ADAMTS6: variants seen among roughly 807,000 people sequenced by gnomAD.
ADAMTS6 encodes A disintegrin and metalloproteinase with thrombospondin motifs 6.
In ADAMTS6, 23 loss-of-function variants were observed where a neutral mutation model predicts 144.3. The observed-to-expected ratio is 0.16, with a 90% confidence interval of 0.11 to 0.23. The LOEUF is 0.23. Ranked by LOEUF, ADAMTS6 falls within the 10% of genes least tolerant of loss-of-function variation. ADAMTS6 has a pLI of 1.00. For missense variants in ADAMTS6, 999 were observed against 1,379.6 expected (o/e 0.72, Z 4.37); for synonymous variants, 444 against 457.5 (o/e 0.97, Z 0.38).
intron 2 of ADAMTS6, among the ~76,000 whole-genome samples, chr5:65,471,446 T>C (rs1344609833): frequency 6.6e-6 from 1 of 152,084 alleles, no homozygotes; most frequent in African/African-American, 2.4e-5. Context: ...TACTTTGAAA[T>C]AAAAAATAAT....
intron 24 of ADAMTS6, among the ~76,000 whole-genome samples, chr5:65,167,531 T>G (rs1203706245): frequency 5.4e-5 from 8 of 149,368 alleles, no homozygotes; most frequent in South Asian, 4.3e-4. Flanking sequence ...TAACTCATTT[T>G]ATGAGGCCAG....
intron 3 of ADAMTS6, among the ~76,000 whole-genome samples, chr5:65,460,779 A>C (rs370959445): frequency 6.6e-6 from 1 of 152,302 alleles, no homozygotes; most frequent in African/African-American, 2.4e-5. Context: ...CTGCAGTGGA[A>C]TCTTCTACTC....
rs1290185231 is a variant in ADAMTS6, at chr5:65,150,209, C to CA, written c.*1626dup. On this transcript the variant is annotated 3_prime_UTR_variant, in exon 25 of 25. Coordinates refer to ENST00000381055, the MANE Select transcript of ADAMTS6 (RefSeq NM_197941.4). ...TGTTTAACTGAAAGTATTAACCTTA[C>CA]AAAATAGCCATTTAGTTTTGAGTTT... is the stretch of plus-strand genomic sequence containing the variant. 4 of 152,706 alleles carry CA rather than the reference C, an allele frequency of 2.6e-5. No individual in the cohort carries two copies. Among genetic ancestry groups the CA allele is most frequent in the Admixed American group, 6.5e-5 (1 of 15,300 alleles). The allele number at this position is 152,706 out of a possible 1,614,324, so 9.5% of individuals were successfully genotyped here.
chr5:65,309,168 G>T (rs886733925), intron 9 of ADAMTS6, among the ~76,000 whole-genome samples: 1 of 152,020 alleles, frequency 6.6e-6, no homozygotes, highest in Non-Finnish European at 1.5e-5. Flanking sequence ...TGCATTTATT[G>T]TGCACTTTAT....
intron 23 of ADAMTS6, among the ~76,000 whole-genome samples, chr5:65,172,418 GA>G (rs57227939): frequency 0.033 from 4,431 of 134,714 alleles, 232 homozygotes; most frequent in African/African-American, 0.11. Context: ...CATCTCAAAA[GA>G]AAAAAAAAAA....
At chr5:65,167,733 G>A (rs370310175) in intron 24 of ADAMTS6, among the ~76,000 whole-genome samples, 6 of 106,854 alleles carry the variant, frequency 5.6e-5, no homozygotes, top group Admixed American at 5.5e-4. Context: ...TTCAATATAC[G>A]CAAATCAATA....
rs767337627 is a variant in ADAMTS6, at chr5:65,329,448, T to A, written c.1153A>T (p.Arg385Trp). The change falls in exon 9 of 25, where the codon AGG becomes TGG. Residue 385 changes from arginine (R) to tryptophan (W), a missense_variant. Around this residue, in one of 3 missense-constraint regions of ADAMTS6, gnomAD observed 128 missense variants for 249.0 expected, o/e 0.51. Transcript: ENST00000381055. ...ASVAGMCEPE[R>W]SCSINEDIGL... ...ATGTCTTCATTAATGCTGCAGCTCC[T>A]TTCAGGCTCACACATTCCAGCCACA... 5.6e-6 allele frequency: 9 copies of A among 1,612,604 alleles called. No homozygotes were observed. The highest frequency in any genetic ancestry group is 5.0e-5 in the Admixed American group (3 of 59,786).
At chr5:65,341,772 G>A (rs1038045507) in intron 7 of ADAMTS6, among the ~76,000 whole-genome samples, 11 of 152,010 alleles carry the variant, frequency 7.2e-5, no homozygotes, top group Non-Finnish European at 1.2e-4. Context: ...TTCTAAGAAG[G>A]GTAAGTACCA....
At chr5:65,386,585 TTTGG>T (rs149444360) in intron 7 of ADAMTS6, among the ~76,000 whole-genome samples, 8,734 of 152,180 alleles carry the variant, frequency 0.057, 330 homozygotes, top group East Asian at 0.11. Flanking sequence ...TAACTTCTTT[TTTGG>T]TTGGTTGGTT....
At chr5:65,376,961 G>A (rs897654037) in intron 7 of ADAMTS6, among the ~76,000 whole-genome samples, 1 of 151,964 alleles carries the variant, frequency 6.6e-6, no homozygotes, top group African/African-American at 2.4e-5. Flanking sequence ...AAAAGTTGTT[G>A]ATTTAACAGT....
intron 15 of ADAMTS6, among the ~76,000 whole-genome samples, chr5:65,226,833 T>C (rs1170226038): frequency 6.6e-6 from 1 of 152,186 alleles, no homozygotes. Flanking sequence ...TCCACCTGCT[T>C]TGGCCTCCCA....
At chr5:65,406,744 T>A (rs1206182121) in intron 7 of ADAMTS6, among the ~76,000 whole-genome samples, 1 of 152,148 alleles carries the variant, frequency 6.6e-6, no homozygotes, top group Non-Finnish European at 1.5e-5. Context: ...CTTGTACCTC[T>A]GGTTAGAATT....
At chr5:65,268,546 C>T (rs908604067) in intron 12 of ADAMTS6, among the ~76,000 whole-genome samples, 2 of 152,126 alleles carry the variant, frequency 1.3e-5, no homozygotes, top group Non-Finnish European at 2.9e-5. Flanking sequence ...ACAGTACCAG[C>T]GCACCGTCTG....
At chr5:65,302,796 C>CTA (rs1743568949) in intron 9 of ADAMTS6, among the ~76,000 whole-genome samples, 1 of 152,064 alleles carries the variant, frequency 6.6e-6, no homozygotes, top group Non-Finnish European at 1.5e-5. Flanking sequence ...AATACTATTT[C>CTA]CTTTTAGTGG....
At position 65,188,184 on chromosome 5, in the gene ADAMTS6, A is replaced by C. The variant is rs1304573818; in HGVS notation, c.2742T>G (p.Thr914=). The part of the protein sequence containing the change: ...FIGDWLECSK[T]CDGGMRTRAV... ...CCCTTGTGCGCATCCCACCATCACA[A>C]GTCTTGCTGCATTCCAACCAATCCC... The change falls in exon 22 of 25, where the codon ACT becomes ACG. Residue 914 remains threonine, a synonymous_variant. Transcript: ENST00000381055. 2.5e-6 allele frequency: 4 copies of C among 1,614,092 alleles called. No homozygotes were observed. Among genetic ancestry groups the C allele is most frequent in the Non-Finnish European group, 2.5e-6 (3 of 1,180,008 alleles).
chr5:65,248,157 G>C (rs1164572269), intron 14 of ADAMTS6, among the ~76,000 whole-genome samples: 2 of 152,240 alleles, frequency 1.3e-5, no homozygotes, highest in East Asian at 3.9e-4. Context: ...CTAGTTATCA[G>C]ATAGTACTGA....
chr5:65,464,865 T>C (rs530579563), intron 3 of ADAMTS6, among the ~76,000 whole-genome samples: 16 of 152,340 alleles, frequency 1.1e-4, no homozygotes, highest in African/African-American at 3.6e-4. Context: ...TTTATCCCCA[T>C]GAGGTCCCAT....
At chr5:65,301,680 T>C (rs1283338131) in intron 9 of ADAMTS6, among the ~76,000 whole-genome samples, 1 of 150,006 alleles carries the variant, frequency 6.7e-6, no homozygotes, top group Non-Finnish European at 1.5e-5. Context: ...CTGATATTGG[T>C]CTGAACGAGG....
At chr5:65,190,268 C>T (rs1754927499) in intron 21 of ADAMTS6, among the ~76,000 whole-genome samples, 1 of 152,090 alleles carries the variant, frequency 6.6e-6, no homozygotes, top group Non-Finnish European at 1.5e-5. Context: ...CTGACACAAA[C>T]ATTTTTTCTA....
Sources: allele counts gnomAD v4.1 joint callset (sites outside exome capture counted in the v4.1 genomes callset), GRCh38; gene constraint gnomAD v4.1.1; regional missense constraint gnomAD v4.1.1; transcripts MANE v1.5; gene names NCBI Gene and HGNC (gene_info 2026-07-23, HGNC 2026-07-21).